The following MYH16 variants were observed in gnomAD, a reference collection of about 807,000 sequenced individuals.
MYH16 encodes myosin heavy chain 16.
chr7:99,295,208 G>A (rs1034452444), intron 33 of MYH16, among the ~76,000 whole-genome samples: 5 of 151,784 alleles, frequency 3.3e-5, no homozygotes, highest in East Asian at 1.9e-4. Context: ...GTGAAATCCC[G>A]TCTCTAATAA....
At chr7:99,289,194 C>A in intron 29 of MYH16, 93 bp from the exon 11 acceptor site, 1 of 217,552 alleles carries the variant, frequency 4.6e-6, no homozygotes, top group Non-Finnish European at 9.8e-6. Context: ...GGGAGGCACA[C>A]AGGAAGAACA....
At chr7:99,274,455 T>A (rs1792084072) in intron 20 of MYH16, among the ~76,000 whole-genome samples, 1 of 152,004 alleles carries the variant, frequency 6.6e-6, no homozygotes, top group Admixed American at 6.5e-5. Context: ...CACTCCCCCA[T>A]GGGAAAGAAC....
chr7:99,275,625 C>T (rs1028983230), intron 20 of MYH16, among the ~76,000 whole-genome samples: 1 of 152,210 alleles, frequency 6.6e-6, no homozygotes, highest in Non-Finnish European at 1.5e-5. Flanking sequence ...CTGGGAAGAC[C>T]CAGGCCAATG....
chr7:99,305,365 T>G (rs547545662), intron 40 of MYH16, among the ~76,000 whole-genome samples: 13 of 152,184 alleles, frequency 8.5e-5, no homozygotes, highest in African/African-American at 2.9e-4. Flanking sequence ...AATATTCTCC[T>G]TGCCTTTTTT....
intron 3 of MYH16, among the ~76,000 whole-genome samples, chr7:99,248,553 G>A (rs1791764518): frequency 1.3e-5 from 2 of 152,146 alleles, no homozygotes; most frequent in East Asian, 1.9e-4. Context: ...GCGTCACTAT[G>A]CCCAGCTAAT....
At chr7:99,296,973 G>A (rs1414544828) in intron 34 of MYH16, 56 bp downstream of exon 15, 1 of 446,636 alleles carries the variant, frequency 2.2e-6, no homozygotes, top group Non-Finnish European at 4.5e-6. Flanking sequence ...CACAGCCAGA[G>A]TCCCCTTCAT....
At chr7:99,283,572 T>A (rs773727556) in exon 24 of MYH16, 3 of 456,216 alleles carry the variant, frequency 6.6e-6, no homozygotes, top group South Asian at 4.6e-5. Context: ...CAGAAAACCC[T>A]GGACGACCTA....
chr7:99,291,620 C>A (rs1244775966), intron 31 of MYH16, among the ~76,000 whole-genome samples, 170 bp downstream of exon 12: 64 of 117,342 alleles, frequency 5.5e-4, no homozygotes, highest in African/African-American at 2.2e-3. Flanking sequence ...CAGCAAGACC[C>A]CCCCCCACCC....
At chr7:99,291,951 A>G (rs894772770) in intron 31 of MYH16, among the ~76,000 whole-genome samples, 14 of 152,192 alleles carry the variant, frequency 9.2e-5, no homozygotes, top group South Asian at 4.1e-4. Flanking sequence ...CTCAGGAAAA[A>G]AAAAAGTTTC....
chr7:99,255,237 C>G (rs1197790448), intron 8 of MYH16, among the ~76,000 whole-genome samples: 1 of 152,082 alleles, frequency 6.6e-6, no homozygotes, highest in Non-Finnish European at 1.5e-5. Flanking sequence ...CCACCACACT[C>G]CAGCCTGGGT....
At chr7:99,261,614 T>G (rs1335376024) in exon 13 of MYH16, 1 of 153,818 alleles carries the variant, frequency 6.5e-6, no homozygotes, top group African/African-American at 2.4e-5. Flanking sequence ...CACTTCGAGC[T>G]GGTTCACTAC....
chr7:99,278,476 G>T (rs1165134065), intron 21 of MYH16, among the ~76,000 whole-genome samples: 1 of 152,222 alleles, frequency 6.6e-6, no homozygotes, highest in Non-Finnish European at 1.5e-5. Context: ...TTTCTGTAGG[G>T]CGCCTGACTA....
intron 1 of MYH16, among the ~76,000 whole-genome samples, chr7:99,239,809 G>T (rs1006075145): frequency 3.9e-5 from 6 of 152,148 alleles, no homozygotes; most frequent in Admixed American, 2.6e-4. Flanking sequence ...CCAGACAGCT[G>T]GTTTACCAAC....
intron 17 of MYH16, chr7:99,266,788 T>C (rs1038066324): frequency 6.5e-6 from 1 of 152,678 alleles, no homozygotes; most frequent in African/African-American, 2.4e-5. Flanking sequence ...GATAACCGCA[T>C]GAACATGTTT....
At chr7:99,278,908 T>A (rs879649838) in intron 21 of MYH16, among the ~76,000 whole-genome samples, 1 of 152,166 alleles carries the variant, frequency 6.6e-6, no homozygotes, top group Non-Finnish European at 1.5e-5. Context: ...AGAATCCTCC[T>A]GGGCCAGGTG....
exon 24 of MYH16, chr7:99,283,593 A>G: frequency 2.2e-6 from 1 of 456,406 alleles, no homozygotes; most frequent in South Asian, 1.5e-5. Flanking sequence ...CAGGCTGAGG[A>G]GGACAAGGTG....
intron 22 of MYH16, 27 bp downstream of exon 4, chr7:99,279,764 G>A (rs963901486): frequency 2.2e-5 from 10 of 449,500 alleles, no homozygotes; most frequent in South Asian, 9.4e-5. Context: ...GCCCTGCCAC[G>A]CTTTTCTCAG....
intron 18 of MYH16, among the ~76,000 whole-genome samples, chr7:99,269,405 A>T (rs2150814858): frequency 6.6e-6 from 1 of 151,994 alleles, no homozygotes; most frequent in South Asian, 2.1e-4. Context: ...CCTCTCGAGT[A>T]GCTGGGACTA....
exon 29 of MYH16, chr7:99,288,071 TAAACA>T (rs1288073964): frequency 2.2e-6 from 1 of 456,678 alleles, no homozygotes; most frequent in South Asian, 1.5e-5. Context: ...TAGAGAAAGA[TAAACA>T]GGTCATGAAG....
Sources: gnomAD v4.1 joint callset for allele counts (sites outside exome capture counted in the v4.1 genomes callset) on GRCh38, gnomAD v4.1.1 for gene constraint, MANE v1.5 for transcripts, NCBI Gene and HGNC (gene_info 2026-07-23, HGNC 2026-07-21) for gene names.